Variants in NOP14 observed in about 807,000 individuals in gnomAD.
The protein encoded by NOP14 is NOP14 nucleolar protein, also known as nucleolar protein 14.
A neutral mutation model predicts 101.6 loss-of-function variants in NOP14; 57 were observed. The observed-to-expected ratio is 0.56, with a 90% confidence interval of 0.45 to 0.70. The LOEUF is 0.70. Among genes scored for constraint, NOP14 ranks in the 30% least tolerant of loss-of-function variants. The probability of loss-of-function intolerance (pLI) is 0.00; values close to 1 mark genes in which losing one functional copy is unlikely to be tolerated. For synonymous variants in NOP14, 428 were observed against 424.0 expected, an observed-to-expected ratio of 1.01 and a Z score of -0.12; for missense variants, 1,134 against 1,075.5, an observed-to-expected ratio of 1.05 and a Z score of -0.76.
rs1352964745 is a variant in NOP14, at chr4:2,938,587, T to C, written c.*244A>G. On this transcript the variant is annotated 3_prime_UTR_variant, in exon 18 of 18. Coordinates refer to ENST00000416614, the MANE Select transcript of NOP14 (RefSeq NM_001291978.2). ...GCAGTGGCTCAATCACGGCTCACTG[T>C]AACCTTGGACTCAGCTCAAGCAGTC... The C allele has an allele frequency of 5.8e-6, 3 of 518,138 alleles. No individual in the cohort carries two copies. Among genetic ancestry groups the C allele is most frequent in the South Asian group, 4.4e-5 (2 of 45,288 alleles). 32.1% of individuals were successfully genotyped at this position (518,138 alleles called of 1,614,324 possible). A position where few individuals can be genotyped will look rare whatever the true frequency, so the allele number is the denominator to read the frequency against.
In NOP14 at chr4:2,953,562, C is replaced by A. The variant is rs1454624552; in HGVS notation, c.696G>T (p.Leu232=). 2 of 1,614,206 alleles carry A rather than the reference C, an allele frequency of 1.2e-6. No homozygotes were observed. Among genetic ancestry groups the A allele is most frequent in the Non-Finnish European group, 1.7e-6 (2 of 1,180,048 alleles). ...TCTCTGACTTGGGAGTTTTGTGGGA[C>A]AGGAGAGTCTGAATTTCTTTCCAGT... ...DQDWKEIQTL[L]SHKTPKSENR... Residue 232 remains leucine (L), a synonymous_variant, in exon 5 of 18, where the codon CTG becomes CTT. Coordinates refer to ENST00000416614, the MANE Select transcript of NOP14 (RefSeq NM_001291978.2).
Position 2,942,173 on chromosome 4 carries a change from G to A in NOP14, c.2051+19C>T. On this transcript the variant is annotated intron_variant, in intron 14 of 17. Coordinates refer to ENST00000416614, the MANE Select transcript of NOP14 (RefSeq NM_001291978.2). ...GACGCTGTAGGGCACAGGCCCCAAAGCGGGGTCCCCTCACATACCGGATGT... is the reference window on the plus strand; with the variant it reads ...GACGCTGTAGGGCACAGGCCCCAAAACGGGGTCCCCTCACATACCGGATGT... 5 of 1,609,326 alleles carry A rather than the reference G, an allele frequency of 3.1e-6. No individual in the cohort carries two copies. In the South Asian group the frequency reaches 4.4e-5, roughly 14 times the overall value.
intron 10 of NOP14, 184 bp downstream of exon 10, chr4:2,947,342 C>T (rs1306870669): frequency 2.7e-5 from 16 of 596,288 alleles, no homozygotes; most frequent in Non-Finnish European, 3.3e-5. Context: ...TGGAGCGGCA[C>T]GTGTGAGAAG....
intron 3 of NOP14, among the ~76,000 whole-genome samples, chr4:2,956,456 T>C (rs1389137766): frequency 1.3e-5 from 2 of 151,754 alleles, no homozygotes; most frequent in Non-Finnish European, 2.9e-5. Context: ...CATAAAAGCA[T>C]CTATCTACAC....
intron 13 of NOP14, 27 bp downstream of exon 13, chr4:2,944,046 G>T (rs895959818): frequency 1.5e-5 from 23 of 1,575,502 alleles, no homozygotes; most frequent in Non-Finnish European, 2.0e-5. Context: ...TAACATATTT[G>T]TAGGAACCTC....
chr4:2,955,061 ACGCCACGGCGCTCCCTCTAGTCACCTG>A (rs1203326443), intron 3 of NOP14, among the ~76,000 whole-genome samples: 4 of 122,076 alleles, frequency 3.3e-5, no homozygotes, highest in East Asian at 2.7e-4. Flanking sequence ...AGTCACCTGC[ACGCCACGGCGCTCCCTCTAGTCACCTG>A]CGCCACGGCG....
rs552160160 is a variant in NOP14 at position 2,953,972 on chromosome 4, C to T, written c.613-327G>A. Among the ~76,000 whole-genome samples the T allele has an allele frequency of 3.3e-5, 5 of 152,336 alleles. No homozygotes were observed. In the South Asian group the frequency reaches 6.2e-4, roughly 19 times the overall value. ...CATCCGCGCCAGGTGCAGTGGCCCA[C>T]CCTGTGCTTTAGAACTAGGCCAAGG... On this transcript the variant is annotated intron_variant, in intron 4 of 17. Transcript: ENST00000416614.
At chr4:2,953,957 A>T (rs1387795652) in intron 4 of NOP14, among the ~76,000 whole-genome samples, 1 of 152,246 alleles carries the variant, frequency 6.6e-6, no homozygotes, top group Non-Finnish European at 1.5e-5. Context: ...CATCCGCGCC[A>T]GGTGCAGTGG....
chr4:2,944,534 G>A (rs1714466060), intron 12 of NOP14, among the ~76,000 whole-genome samples: 1 of 152,168 alleles, frequency 6.6e-6, no homozygotes, highest in Non-Finnish European at 1.5e-5. Flanking sequence ...AGTCTCCCGA[G>A]TAGCTGGGAT....
chr4:2,962,114 G>C (rs1285993784), intron 1 of NOP14, among the ~76,000 whole-genome samples: 3 of 152,246 alleles, frequency 2.0e-5, no homozygotes, highest in Non-Finnish European at 4.4e-5. Context: ...ACAGTATTTA[G>C]AGAACACTTG....
At position 2,945,241 on chromosome 4, in the gene NOP14, G is replaced by A. The variant is rs778849444; in HGVS notation, c.1636-12C>T. 5 of 1,548,824 alleles carry A rather than the reference G, an allele frequency of 3.2e-6. No individual in the cohort carries two copies. In the African/African-American group the frequency reaches 4.1e-5, roughly 13 times the overall value. Reference sequence around the variant, plus strand: ...TTCAAATAAATGAGCTGGAAAGAAAGTGTTACCACAGGTTAAAGAAGGTAA... The same window carrying A: ...TTCAAATAAATGAGCTGGAAAGAAAATGTTACCACAGGTTAAAGAAGGTAA... On this transcript the variant is annotated splice_polypyrimidine_tract_variant and intron_variant, in intron 11 of 17. Coordinates refer to ENST00000416614, the MANE Select transcript of NOP14 (RefSeq NM_001291978.2).
At position 2,951,016 on chromosome 4, in the gene NOP14, A is replaced by C. The variant is rs1029264217; in HGVS notation, c.1002+98T>G. The C allele has an allele frequency of 7.8e-6, 9 of 1,155,934 alleles. No homozygotes were observed. In the African/African-American group the frequency reaches 1.4e-4, roughly 18 times the overall value. The allele number at this position is 1,155,934 out of a possible 1,614,324, so 71.6% of individuals were successfully genotyped here. On this transcript the variant is annotated intron_variant, in intron 7 of 17. Transcript: ENST00000416614. ...TAGAGAAACTGGTTAAAAAGATTTA[A>C]AATTCCCAACTGTAATAAATCCCTA...
At position 2,946,549 on chromosome 4, in the gene NOP14, T is replaced by C; in HGVS notation, c.1500-2A>G. ...ATCTGGCAAAGATGATATAAGTGCC[T>C]GTTAAGCAGAAATGTAAAGTCAGGA... is the stretch of plus-strand genomic sequence containing the variant. On this transcript the variant is annotated splice_acceptor_variant, in intron 10 of 17. Coordinates refer to ENST00000416614, the MANE Select transcript of NOP14 (RefSeq NM_001291978.2). LOFTEE classifies it high-confidence loss of function. 6.2e-7 allele frequency: 1 copy of C among 1,614,064 alleles called. No homozygotes were observed. Among genetic ancestry groups the C allele is most frequent in the South Asian group, 1.1e-5 (1 of 91,086 alleles).
chr4:2,956,231 A>G (rs1017444813), intron 3 of NOP14, among the ~76,000 whole-genome samples: 3 of 152,214 alleles, frequency 2.0e-5, no homozygotes, highest in African/African-American at 7.2e-5. Flanking sequence ...AAGGAACTAC[A>G]TCAATGCCAC....
At position 2,963,209 on chromosome 4, in the gene NOP14, G is replaced by T. The variant is rs1716274626; in HGVS notation, c.111C>A (p.Asn37Lys). 1.9e-6 allele frequency: 3 copies of T among 1,587,784 alleles called. No homozygotes were observed. In the African/African-American group the frequency reaches 4.2e-5, roughly 22 times the overall value. The stretch of plus-strand genomic sequence containing the variant: ...GGCCCAGGATCTGGAACTTCTGCCT[G>T]TTAACTTTCACCTCGAACGGATTGG... ...ANSNPFEVKV[N>K]RQKFQILGRK... is the part of the protein sequence containing the mutation. Residue 37 changes from asparagine (N) to lysine (K), a missense_variant, in exon 1 of 18, where the codon AAC (asparagine) becomes AAA (lysine). Asn to Lys is a moderately conservative substitution (Grantham distance 94). Coordinates refer to ENST00000416614, the MANE Select transcript of NOP14 (RefSeq NM_001291978.2).
rs1251960945 is a variant in NOP14 at position 2,957,739 on chromosome 4, C to T, written c.197G>A (p.Arg66His). Residue 66 changes from arginine to histidine, a missense_variant and splice_region_variant, in exon 2 of 18, where the codon CGT (arginine) becomes CAT (histidine). Arg to His is a conservative substitution (Grantham distance 29, BLOSUM62 0). Transcript: ENST00000416614. ...GVSRARALRK[R>H]TQTLLKEYKE... ...GTACTCTTTTAGTAAAGTCTGTGTACGCTGGAAAACAGGTCAGAAACAATC... is the reference window on the plus strand; with the variant it reads ...GTACTCTTTTAGTAAAGTCTGTGTATGCTGGAAAACAGGTCAGAAACAATC... 17 of 1,613,078 alleles carry T rather than the reference C, an allele frequency of 1.1e-5. No homozygotes were observed. The highest frequency in any genetic ancestry group is 1.4e-5 in the Non-Finnish European group (17 of 1,179,578).
intron 3 of NOP14, among the ~76,000 whole-genome samples, chr4:2,955,839 T>C (rs992843893): frequency 3.3e-5 from 5 of 152,270 alleles, no homozygotes; most frequent in Admixed American, 3.3e-4. Flanking sequence ...TGGCGGGTTC[T>C]GCACCACATG....
In NOP14 at chr4:2,941,290, AG is replaced by A. The variant is rs774786329; in HGVS notation, c.2199+291del. The A allele has an allele frequency of 2.3e-5, 9 of 399,854 alleles. No individual in the cohort carries two copies. In the East Asian group the frequency reaches 3.0e-4, roughly 13 times the overall value. The allele number at this position is 399,854 out of a possible 1,614,324, so 24.8% of individuals were successfully genotyped here. A position where few individuals can be genotyped will look rare whatever the true frequency, so the allele number is the denominator to read the frequency against. ...TCAGAGCTGACTGTCCAGGCCTGGCAGGGGCTGACCCCTGGGCGCTGGTGCA... is the reference window on the plus strand; with the variant it reads ...TCAGAGCTGACTGTCCAGGCCTGGCAGGGCTGACCCCTGGGCGCTGGTGCA... On this transcript the variant is annotated intron_variant, in intron 15 of 17. Transcript: ENST00000416614.
intron 15 of NOP14, 124 bp from the exon 16 acceptor site, chr4:2,939,769 G>A: frequency 2.5e-6 from 2 of 787,878 alleles, no homozygotes; most frequent in South Asian, 1.5e-5. Context: ...GCAGCAGGAT[G>A]GTGCCCTTGC....
Sources: allele counts gnomAD v4.1 joint callset (sites outside exome capture counted in the v4.1 genomes callset), GRCh38; gene constraint gnomAD v4.1.1; transcripts MANE v1.5; gene names NCBI Gene and HGNC (gene_info 2026-07-23, HGNC 2026-07-21).